Variants in LMTK2 observed in about 807,000 individuals in gnomAD.
LMTK2 encodes the protein lemur tail kinase 2, also known as serine/threonine-protein kinase LMTK2.
In LMTK2, 37 loss-of-function variants were observed where a neutral mutation model predicts 127.5. The observed-to-expected ratio is 0.29, with a 90% CI of 0.22 to 0.38. The LOEUF is 0.38. LMTK2 is among the 10% of genes least tolerant of loss of function. The pLI is 1.00. For missense variants in LMTK2, 1,694 were observed against 1,920.3 expected (o/e 0.88, Z 2.20); for synonymous variants, 819 against 810.1 (o/e 1.01, Z -0.19).
At chr7:98,169,133 A>G (rs1350679546) in intron 6 of LMTK2, among the ~76,000 whole-genome samples, 4 of 152,158 alleles carry the variant, frequency 2.6e-5, no homozygotes, top group Admixed American at 2.0e-4. Flanking sequence ...CCTTTCTGAA[A>G]CATAGAACTA....
chr7:98,122,185 G>A (rs762024793), intron 1 of LMTK2, among the ~76,000 whole-genome samples: 37 of 152,222 alleles, frequency 2.4e-4, no homozygotes, highest in South Asian at 1.0e-3. Context: ...ATATGCTTTT[G>A]TGGAGGTCTG....
chr7:98,118,254 C>CT (rs1796315087), intron 1 of LMTK2, among the ~76,000 whole-genome samples: 1 of 152,128 alleles, frequency 6.6e-6, no homozygotes, highest in Admixed American at 6.5e-5. Context: ...TCTTATTTTT[C>CT]TTTTTAGAGT....
At chr7:98,190,251 T>C (rs1272202622) in intron 9 of LMTK2, among the ~76,000 whole-genome samples, 2 of 152,258 alleles carry the variant, frequency 1.3e-5, no homozygotes, top group Non-Finnish European at 2.9e-5. Flanking sequence ...ATGCCTCTTT[T>C]TTTGCTATTG....
At chr7:98,169,772 C>G (rs1483787239) in intron 6 of LMTK2, among the ~76,000 whole-genome samples, 1 of 152,004 alleles carries the variant, frequency 6.6e-6, no homozygotes, top group East Asian at 1.9e-4. Context: ...CTCCACAGAG[C>G]CTAATCTGAA....
intron 1 of LMTK2, among the ~76,000 whole-genome samples, chr7:98,113,857 C>T (rs1027925306): frequency 2.0e-5 from 3 of 151,910 alleles, no homozygotes; most frequent in Non-Finnish European, 2.9e-5. Flanking sequence ...GTGGCTAATT[C>T]GGAGCCCTGC....
At chr7:98,198,594 A>T (rs377094125) in intron 11 of LMTK2, among the ~76,000 whole-genome samples, 9 of 151,940 alleles carry the variant, frequency 5.9e-5, no homozygotes, top group African/African-American at 1.9e-4. Context: ...GGCTCAAGGG[A>T]TTCTCCTGCC....
Position 98,193,172 on chromosome 7 carries a change from C to A in LMTK2, c.2707C>A (p.Leu903Ile). Residue 903 changes from leucine to isoleucine, a missense_variant, in exon 11 of 14, where the codon CTT becomes ATT. Leu to Ile is a conservative substitution (Grantham distance 5). Transcript: ENST00000297293. This position sits in a 1 kb window ranked among gnomAD's most constrained non-coding sequence, Gnocchi z 4.1. ...GCGACTCACCGAAAGTGACTCTGTT[C>A]TTGCTGATGACATCCTTGCCAGCAG... is the stretch of plus-strand genomic sequence containing the variant. ...TLRLTESDSV[L>I]ADDILASRVS... 3.7e-6 allele frequency: 6 copies of A among 1,613,724 alleles called. No individual in the cohort carries two copies. Among genetic ancestry groups the A allele is most frequent in the Non-Finnish European group, 5.1e-6 (6 of 1,180,022 alleles).
rs745758454 is a variant in LMTK2 at position 98,107,286 on chromosome 7, C to G, written c.103+6C>G. On this transcript the variant is annotated splice_donor_region_variant and intron_variant, in intron 1 of 13. Coordinates refer to ENST00000297293, the MANE Select transcript of LMTK2 (RefSeq NM_014916.4). ...ACTTCCGCAAACAGGTGCAGGTGAG[C>G]GGGCCCGCGGCGGGGACGGGGCTGC... 1.2e-5 allele frequency: 16 copies of G among 1,285,704 alleles called. No individual in the cohort carries two copies. The highest frequency in any genetic ancestry group is 1.6e-5 in the Non-Finnish European group (16 of 1,014,768). The allele number at this position is 1,285,704 out of a possible 1,614,324, so 79.6% of individuals were successfully genotyped here. A position where few individuals can be genotyped will look rare whatever the true frequency, so the allele number is the denominator to read the frequency against.
intron 7 of LMTK2, among the ~76,000 whole-genome samples, chr7:98,182,102 A>G (rs1045973249): frequency 3.3e-5 from 5 of 152,268 alleles, no homozygotes; most frequent in African/African-American, 1.2e-4. Flanking sequence ...AAATTAACTC[A>G]AAATGGATCA....
intron 5 of LMTK2, among the ~76,000 whole-genome samples, chr7:98,157,640 T>TAAAAAAAAAA (rs34715220): frequency 8.7e-6 from 1 of 114,390 alleles, no homozygotes; most frequent in Non-Finnish European, 1.8e-5. Flanking sequence ...GCTCCCACAT[T>TAAAAAAAAAA]AAAAAAAAAA....
intron 8 of LMTK2, among the ~76,000 whole-genome samples, chr7:98,186,223 C>G (rs1797431124): frequency 6.6e-6 from 1 of 152,112 alleles, no homozygotes; most frequent in Non-Finnish European, 1.5e-5. Flanking sequence ...TCCACCACGC[C>G]CAGCTAATTT....
At chr7:98,160,157 A>G (rs1372519675) in intron 6 of LMTK2, among the ~76,000 whole-genome samples, 1 of 152,218 alleles carries the variant, frequency 6.6e-6, no homozygotes, top group Non-Finnish European at 1.5e-5. Context: ...TGGATGAGTC[A>G]GGTTTTAATT....
At position 98,140,141 on chromosome 7, in the gene LMTK2, T is replaced by TC. The variant is rs1562902667; in HGVS notation, c.232-1255dup. ...TTCTTTCTTTCTTTCTTTCTTTCTT[T>TC]CTTTTCTTTTCTTTTCTTTTCTTTT... On this transcript the variant is annotated intron_variant, in intron 2 of 13. Coordinates refer to ENST00000297293, the MANE Select transcript of LMTK2 (RefSeq NM_014916.4). 1.6e-3 allele frequency among the ~76,000 whole-genome samples: 4 copies of TC among 2,472 alleles called. 1 individual carries two copies. Among genetic ancestry groups the TC allele is most frequent in the African/African-American group, 2.9e-3 (4 of 1,398 alleles). 1.6% of individuals were successfully genotyped at this position (2,472 alleles called of 152,430 possible).
chr7:98,166,590 T>G (rs1036444507), intron 6 of LMTK2, among the ~76,000 whole-genome samples: 2 of 149,016 alleles, frequency 1.3e-5, no homozygotes, highest in Non-Finnish European at 3.0e-5. Flanking sequence ...GACAAAATTT[T>G]TATATAGATT....
intron 6 of LMTK2, among the ~76,000 whole-genome samples, chr7:98,163,815 C>T (rs1480754831): frequency 2.0e-5 from 3 of 151,976 alleles, no homozygotes; most frequent in African/African-American, 7.2e-5. Context: ...CAAGGCAGGA[C>T]CTGCCCCCTG....
At chr7:98,107,751 G>C (rs1447274452) in intron 1 of LMTK2, among the ~76,000 whole-genome samples, 2 of 152,200 alleles carry the variant, frequency 1.3e-5, no homozygotes, top group African/African-American at 4.8e-5. Flanking sequence ...GTTGTAAATT[G>C]ATTTTAGACG....
chr7:98,163,260 C>T (rs116212815), intron 6 of LMTK2, among the ~76,000 whole-genome samples: 2,173 of 152,122 alleles, frequency 0.014, 49 homozygotes, highest in African/African-American at 0.049. Flanking sequence ...TAAAGTTAGA[C>T]GTGGTTACAA....
At position 98,193,740 on chromosome 7, in the gene LMTK2, T is replaced by C. The variant is rs200693899; in HGVS notation, c.3275T>C (p.Phe1092Ser). ...GGCACAGAAGTGACCCCTGAGACGT[T>C]CACAGCTGGCTCCCAGGGTTCATAC... ...HRGTEVTPET[F>S]TAGSQGSYRD... The change falls in exon 11 of 14, where the codon TTC becomes TCC. Residue 1092 changes from phenylalanine to serine, a missense_variant. Transcript: ENST00000297293. The surrounding 1 kb of genome is among the most constrained non-coding windows in gnomAD (Gnocchi z 4.1). 8.7e-6 allele frequency: 14 copies of C among 1,613,668 alleles called. No homozygotes were observed. The highest frequency in any genetic ancestry group is 1.3e-5 in the African/African-American group (1 of 74,858).
intron 1 of LMTK2, among the ~76,000 whole-genome samples, chr7:98,116,913 A>G (rs1796295122): frequency 6.6e-6 from 1 of 152,190 alleles, no homozygotes; most frequent in Non-Finnish European, 1.5e-5. Context: ...ATGTCCCTCA[A>G]CTGGGATTTG....
Sources: allele counts gnomAD v4.1 joint callset (sites outside exome capture counted in the v4.1 genomes callset), GRCh38; gene constraint gnomAD v4.1.1; non-coding constraint Gnocchi (gnomAD v3.1); transcripts MANE v1.5; gene names NCBI Gene and HGNC (gene_info 2026-07-23, HGNC 2026-07-21).